The following RSPH14 variants were observed in gnomAD, a reference collection of about 807,000 sequenced individuals.
RSPH14 encodes radial spoke head 14 homolog, also known as rhabdoid tumor deletion region gene 1.
A neutral mutation model predicts 26.7 loss-of-function variants in RSPH14; 20 were observed. The observed-to-expected ratio is 0.75, with a 90% CI of 0.53 to 1.09. The LOEUF (loss-of-function observed/expected upper bound fraction) is 1.09. Among genes scored for constraint, RSPH14 ranks in the 50% least tolerant of loss-of-function variants. RSPH14 has a pLI of 0.00. For synonymous variants in RSPH14, 177 were observed against 189.3 expected, an observed-to-expected ratio of 0.93 and a Z score of 0.53; for missense variants, 449 against 457.2, an observed-to-expected ratio of 0.98 and a Z score of 0.16.
At chr22:23,075,237 G>A (rs993118398) in intron 4 of RSPH14, among the ~76,000 whole-genome samples, 8 of 152,136 alleles carry the variant, frequency 5.3e-5, no homozygotes, top group Non-Finnish European at 7.4e-5. Flanking sequence ...GGTGGGTTGC[G>A]TTGGACTTTC....
At chr22:23,115,170 C>T (rs1240912348) in intron 4 of RSPH14, among the ~76,000 whole-genome samples, 1 of 152,144 alleles carries the variant, frequency 6.6e-6, no homozygotes, top group African/African-American at 2.4e-5. Flanking sequence ...CCAGATGGGT[C>T]AGTACAGAGC....
chr22:23,177,916 C>T, the RSPH14 span, among the ~76,000 whole-genome samples: 1 of 152,158 alleles, frequency 6.6e-6, no homozygotes, highest in Non-Finnish European at 1.5e-5. Context: ...CCTCCCACCC[C>T]AGCCTCCTGA....
chr22:23,141,924 C>T, intron 1 of RSPH14, 25 bp downstream of exon 1: 4 of 974,338 alleles, frequency 4.1e-6, no homozygotes, highest in Non-Finnish European at 4.9e-6. Flanking sequence ...GTCCCCGGGC[C>T]CCTAGCCCAC....
At position 23,138,956 on chromosome 22, in the gene RSPH14, AAAAAAC is replaced by A. The variant is rs1386289415; in HGVS notation, c.200-20_200-15del. 1 of 1,531,778 alleles carries A rather than the reference AAAAAAC, an allele frequency of 6.5e-7. No homozygotes were observed. The highest frequency in any genetic ancestry group is 2.1e-5 in the Admixed American group (1 of 47,824). The allele number at this position is 1,531,778 out of a possible 1,614,324, so 94.9% of individuals were successfully genotyped here. A position where few individuals can be genotyped will look rare whatever the true frequency, so the allele number is the denominator to read the frequency against. Reference sequence around the variant, plus strand: ...TCTCCATACAGCCTAGAAAAAAAAAAAAAAACAAACAAACCAACCCTTGAATTTTTG... The same window carrying A: ...TCTCCATACAGCCTAGAAAAAAAAAAAAACAAACCAACCCTTGAATTTTTG... On this transcript the variant is annotated splice_polypyrimidine_tract_variant and intron_variant, in intron 2 of 6. Coordinates refer to ENST00000216036, the MANE Select transcript of RSPH14 (RefSeq NM_014433.3).
chr22:23,099,719 T>G (rs947735171), intron 4 of RSPH14, among the ~76,000 whole-genome samples: 7 of 152,216 alleles, frequency 4.6e-5, no homozygotes, highest in Non-Finnish European at 8.8e-5. Flanking sequence ...CTTTAGTACA[T>G]TCACACAAGG....
At chr22:23,180,047 T>A in the RSPH14 span, 2 of 360,960 alleles carry the variant, frequency 5.5e-6, no homozygotes, top group Non-Finnish European at 1.1e-5. Flanking sequence ...TGCGGCGTGG[T>A]AGGGGCAGAG....
Position 23,134,254 on chromosome 22 carries a change from C to T in RSPH14, c.303-110G>A, listed in dbSNP as rs941140940. 13 of 748,106 alleles carry T rather than the reference C, an allele frequency of 1.7e-5. No individual in the cohort carries two copies. The South Asian group carries it at 1.9e-4, about 11-fold the overall frequency. The allele number at this position is 748,106 out of a possible 1,614,324, so 46.3% of individuals were successfully genotyped here. On this transcript the variant is annotated intron_variant, in intron 3 of 6. Transcript: ENST00000216036. ...TCTGATCCATGCTATCTGGGGTAGA[C>T]CACATTCCTCTGGCTTTGTGGGAGC...
chr22:23,169,051 C>T, the RSPH14 span, among the ~76,000 whole-genome samples: 7 of 152,168 alleles, frequency 4.6e-5, no homozygotes, highest in African/African-American at 9.7e-5. Context: ...CAGGAGACTC[C>T]GCTGGGATTC....
chr22:23,123,630 C>A, intron 4 of RSPH14: 1 of 590,532 alleles, frequency 1.7e-6, no homozygotes, highest in Non-Finnish European at 3.0e-6. Flanking sequence ...GATAGACACA[C>A]ACACATGCAC....
At chr22:23,123,125 C>T in intron 4 of RSPH14, 1 of 1,613,984 alleles carries the variant, frequency 6.2e-7, no homozygotes, top group Non-Finnish European at 8.5e-7. Context: ...TTGACTCCAT[C>T]TGCAACAACA....
At chr22:23,070,412 C>A (rs2068324659) in intron 4 of RSPH14, 1 of 146,682 alleles carries the variant, frequency 6.8e-6, no homozygotes, top group Admixed American at 6.8e-5. Context: ...ACCAGGCCGG[C>A]CGGAGCGTGT....
intron 4 of RSPH14, among the ~76,000 whole-genome samples, chr22:23,102,466 T>A (rs914003339): frequency 1.3e-5 from 2 of 152,228 alleles, no homozygotes; most frequent in Non-Finnish European, 2.9e-5. Context: ...CCTGTCACAC[T>A]GGGAGCTTCC....
chr22:23,140,397 C>T lies in RSPH14; in HGVS notation c.24G>A (p.Leu8=), dbSNP rs370586023. The T allele has an allele frequency of 1.2e-6, 2 of 1,614,026 alleles. No homozygotes were observed. Among genetic ancestry groups the T allele is most frequent in the African/African-American group, 2.7e-5 (2 of 74,908 alleles). ...TGGCATTGATGTTAATGGGAAGCTCCAAGGAGTTCTGGGAATGGGCCATCT... is the reference window on the plus strand; with the variant it reads ...TGGCATTGATGTTAATGGGAAGCTCTAAGGAGTTCTGGGAATGGGCCATCT... MAHSQNS[L]ELPININATQ... Residue 8 remains leucine, a synonymous_variant, in exon 2 of 7, where the codon TTG becomes TTA. Transcript: ENST00000216036.
At chr22:23,170,031 A>G in the RSPH14 span, among the ~76,000 whole-genome samples, 1 of 151,348 alleles carries the variant, frequency 6.6e-6, no homozygotes, top group Admixed American at 6.6e-5. Context: ...CAGAAGCTTG[A>G]GACTGCAGAG....
chr22:23,111,291 C>T (rs1601821424), intron 4 of RSPH14, among the ~76,000 whole-genome samples: 2 of 152,342 alleles, frequency 1.3e-5, no homozygotes, highest in East Asian at 1.9e-4. Context: ...TCTCCTGTGA[C>T]GTGGCTGGCT....
At chr22:23,164,949 G>A in the RSPH14 span, among the ~76,000 whole-genome samples, 1 of 135,032 alleles carries the variant, frequency 7.4e-6, no homozygotes, top group Non-Finnish European at 1.5e-5. Flanking sequence ...TGGTCACAAT[G>A]CAGTCTGCAG....
intron 4 of RSPH14, among the ~76,000 whole-genome samples, chr22:23,129,664 G>A (rs931525968): frequency 6.6e-6 from 1 of 152,194 alleles, no homozygotes; most frequent in Admixed American, 6.5e-5. Context: ...GCTCACGCCT[G>A]TAATCCCAGC....
At chr22:23,119,441 G>C (rs373096214) in intron 4 of RSPH14, among the ~76,000 whole-genome samples, 1 of 152,128 alleles carries the variant, frequency 6.6e-6, no homozygotes, top group Non-Finnish European at 1.5e-5. Flanking sequence ...GCTCTGTCTT[G>C]TCCCCCATCT....
In RSPH14 at chr22:23,061,899, G is replaced by C. The variant is rs566627157; in HGVS notation, c.700C>G (p.Pro234Ala). 2.0e-5 allele frequency: 33 copies of C among 1,614,162 alleles called. No homozygotes were observed. The East Asian group carries it at 5.6e-4, about 27-fold the overall frequency. The change falls in exon 6 of 7, where the codon CCC (proline) becomes GCC (alanine). Residue 234 changes from proline (P) to alanine (A), a missense_variant. Pro to Ala is a conservative substitution (Grantham distance 27). Coordinates refer to ENST00000216036, the MANE Select transcript of RSPH14 (RefSeq NM_014433.3). Reference sequence around the variant, plus strand: ...TCTTTCAGCAGATGGACCAGGATGGGGATGACGTCAAAATGACACACCTGT... The same window carrying C: ...TCTTTCAGCAGATGGACCAGGATGGCGATGACGTCAAAATGACACACCTGT... ...KKQVCHFDVI[P>A]ILVHLLKDPV... is the part of the protein sequence containing the mutation.
Sources: gnomAD v4.1 joint callset for allele counts (sites outside exome capture counted in the v4.1 genomes callset) on GRCh38, gnomAD v4.1.1 for gene constraint, MANE v1.5 for transcripts, NCBI Gene and HGNC (gene_info 2026-07-23, HGNC 2026-07-21) for gene names.